Variants in MMP16 observed in about 807,000 individuals in gnomAD.
MMP16 encodes the protein matrix metalloproteinase-16.
In MMP16, 12 loss-of-function variants were observed where a neutral mutation model predicts 67.8. The ratio of observed to expected loss-of-function variants is 0.18; its 90% CI spans 0.11 to 0.29. The LOEUF is 0.29. Among genes scored for constraint, MMP16 ranks in the 10% least tolerant of loss-of-function variants. The pLI is 1.00. For missense variants in MMP16, 475 were observed against 765.7 expected, an observed-to-expected ratio of 0.62 and a Z score of 4.48; for synonymous variants, 249 against 255.9, an observed-to-expected ratio of 0.97 and a Z score of 0.26.
intron 4 of MMP16, among the ~76,000 whole-genome samples, chr8:88,160,734 A>G (rs944466939): frequency 6.6e-6 from 1 of 152,134 alleles, no homozygotes; most frequent in African/African-American, 2.4e-5. Flanking sequence ...GTGATTCCTC[A>G]GGGATCTAGA....
chr8:88,176,439 G>C lies in MMP16; in HGVS notation c.405-8466C>G, dbSNP rs138604902. 1.2e-3 allele frequency among the ~76,000 whole-genome samples: 190 copies of C among 152,124 alleles called. 1 individual carries two copies. Among genetic ancestry groups the C allele is most frequent in the African/African-American group, 4.1e-3 (169 of 41,502 alleles). On this transcript the variant is annotated intron_variant, in intron 3 of 9. Coordinates refer to ENST00000286614, the MANE Select transcript of MMP16 (RefSeq NM_005941.5). ...ATAAGGATTCAGAGATACTAATTAG[G>C]GTACACTGCCAACAGTTTGGAAATC... is the stretch of plus-strand genomic sequence containing the variant.
intron 3 of MMP16, among the ~76,000 whole-genome samples, chr8:88,185,704 G>T (rs1225593496): frequency 6.6e-6 from 1 of 151,954 alleles, no homozygotes; most frequent in African/African-American, 2.4e-5. Context: ...CCTTCCTATG[G>T]GTCTTAGTTG....
chr8:88,196,690 G>A lies in MMP16; in HGVS notation c.281+468C>T, dbSNP rs144573735. Among the ~76,000 whole-genome samples the A allele has an allele frequency of 3.0e-3, 461 of 152,166 alleles. 5 individuals are homozygous for A. The Middle Eastern group carries it at 0.048, about 16-fold the overall frequency. Reference sequence around the variant, plus strand: ...GTAAACTGTTAACTGGCTCTCTGACGCTGCCCCTCCTACCCAAAATAAGAG... The same window carrying A: ...GTAAACTGTTAACTGGCTCTCTGACACTGCCCCTCCTACCCAAAATAAGAG... On this transcript the variant is annotated intron_variant, in intron 2 of 9. Transcript: ENST00000286614.
intron 6 of MMP16, among the ~76,000 whole-genome samples, chr8:88,082,772 TTTTA>T (rs1207190654): frequency 1.3e-5 from 2 of 151,854 alleles, no homozygotes; most frequent in African/African-American, 4.8e-5. Context: ...TATGTGCATG[TTTTA>T]TTTTTTTTTA....
rs1301060123 is a variant in MMP16, at chr8:88,058,900, T to C, written c.1223-2622A>G. On this transcript the variant is annotated intron_variant, in intron 7 of 9. Transcript: ENST00000286614. This position sits in a 1 kb window ranked among gnomAD's most constrained non-coding sequence, Gnocchi z 4.2. ...AGAAATAGAGATGGAAAGGATAAAA[T>C]AAAGTCAGGACATATTTTGGAGATG... Among the ~76,000 whole-genome samples the C allele has an allele frequency of 6.6e-6, 1 of 152,030 alleles. No individual in the cohort carries two copies. The highest frequency in any genetic ancestry group is 1.9e-4 in the East Asian group (1 of 5,182).
chr8:88,263,981 AGAGAGAGT>A (rs1362569113), intron 1 of MMP16, among the ~76,000 whole-genome samples: 76 of 99,734 alleles, frequency 7.6e-4, no homozygotes, highest in South Asian at 5.1e-3. Flanking sequence ...AGAAAGAGAG[AGAGAGAGT>A]GTGTGTGTGT....
chr8:88,048,635 T>G (rs1248336901), intron 8 of MMP16, among the ~76,000 whole-genome samples: 1 of 152,154 alleles, frequency 6.6e-6, no homozygotes, highest in East Asian at 1.9e-4. Context: ...GTTTGTCTGA[T>G]TTCAAAAGTA....
At chr8:88,314,381 GT>G (rs1286659689) in intron 1 of MMP16, among the ~76,000 whole-genome samples, 9 of 152,250 alleles carry the variant, frequency 5.9e-5, no homozygotes, top group African/African-American at 1.7e-4. Flanking sequence ...CCTAATTAGT[GT>G]TTTTCTGCTT....
intron 4 of MMP16, among the ~76,000 whole-genome samples, chr8:88,149,586 C>A (rs1808364186): frequency 6.6e-6 from 1 of 152,034 alleles, no homozygotes; most frequent in Non-Finnish European, 1.5e-5. Context: ...GGGAGGCACC[C>A]CCCAGCAGGG....
In MMP16 at chr8:88,145,350, C is replaced by A. The variant is rs1808273925; in HGVS notation, c.709+22319G>T. ...AACATATCTAAAGAAAGAAAAGGTA[C>A]AGGAAAAAATGGTATTATAATCTTA... is the stretch of plus-strand genomic sequence containing the variant. On this transcript the variant is annotated intron_variant, in intron 4 of 9. Transcript: ENST00000286614. 2.0e-5 allele frequency among the ~76,000 whole-genome samples: 3 copies of A among 151,670 alleles called. No homozygotes were observed. In the South Asian group the frequency reaches 6.2e-4, roughly 32 times the overall value.
intron 1 of MMP16, among the ~76,000 whole-genome samples, chr8:88,215,774 T>C (rs983212473): frequency 2.0e-5 from 3 of 152,148 alleles, no homozygotes; most frequent in Admixed American, 6.6e-5. Flanking sequence ...TCTCAGGAAA[T>C]AGTTTCATAC....
At chr8:88,294,235 CAT>C (rs535432462) in intron 1 of MMP16, among the ~76,000 whole-genome samples, 101 of 149,106 alleles carry the variant, frequency 6.8e-4, no homozygotes, top group African/African-American at 2.1e-3. Context: ...TATACACACA[CAT>C]ATATATACAC....
chr8:88,074,087 A>C (rs1412798356), intron 7 of MMP16, among the ~76,000 whole-genome samples: 1 of 152,218 alleles, frequency 6.6e-6, no homozygotes, highest in African/African-American at 2.4e-5. Flanking sequence ...TTGTGAGATT[A>C]AAATTTGGCA....
intron 1 of MMP16, among the ~76,000 whole-genome samples, chr8:88,313,935 A>G (rs535008622): frequency 1.8e-4 from 27 of 152,258 alleles, no homozygotes; most frequent in Non-Finnish European, 3.4e-4. Context: ...AGACCAGCAT[A>G]GGAAAGACCC....
intron 4 of MMP16, among the ~76,000 whole-genome samples, chr8:88,166,108 C>T (rs1037137501): frequency 3.3e-5 from 5 of 152,080 alleles, no homozygotes; most frequent in South Asian, 2.1e-4. Context: ...ATCCAAAACA[C>T]GAGAGAACCC....
At chr8:88,275,808 T>C (rs1023414083) in intron 1 of MMP16, among the ~76,000 whole-genome samples, 6 of 152,002 alleles carry the variant, frequency 3.9e-5, no homozygotes, top group African/African-American at 1.4e-4. Context: ...ACCTACATTA[T>C]AAATAATACC....
intron 2 of MMP16, among the ~76,000 whole-genome samples, chr8:88,187,352 A>T (rs948041019): frequency 2.0e-5 from 3 of 152,150 alleles, no homozygotes; most frequent in Non-Finnish European, 2.9e-5. Context: ...AGAGAGTCTC[A>T]TTGGACCACT....
chr8:88,276,556 A>G (rs1810652131), intron 1 of MMP16, among the ~76,000 whole-genome samples: 1 of 152,158 alleles, frequency 6.6e-6, no homozygotes, highest in South Asian at 2.1e-4. Flanking sequence ...AAAATTAGTT[A>G]CCCATGATTT....
chr8:88,145,758 C>T (rs1241745596), intron 4 of MMP16, among the ~76,000 whole-genome samples: 1 of 151,960 alleles, frequency 6.6e-6, no homozygotes, highest in African/African-American at 2.4e-5. Context: ...TACTACTATT[C>T]ACTCTTAATT....
Sources: gnomAD v4.1 joint callset for allele counts (sites outside exome capture counted in the v4.1 genomes callset) on GRCh38, gnomAD v4.1.1 for gene constraint, Gnocchi (gnomAD v3.1) non-coding constraint, MANE v1.5 for transcripts, NCBI Gene and HGNC (gene_info 2026-07-23, HGNC 2026-07-21) for gene names.